Variants in CCSER1 observed in about 807,000 individuals in gnomAD.
CCSER1 encodes serine-rich coiled-coil domain-containing protein 1.
CCSER1 carries 41 observed loss-of-function variants against 82.0 expected under a neutral mutation model. The ratio of observed to expected loss-of-function variants is 0.50; its 90% CI spans 0.39 to 0.65. The LOEUF is 0.65. Among genes scored for constraint, CCSER1 ranks in the 30% least tolerant of loss-of-function variants. The pLI is 0.00. For missense variants in CCSER1, 1,119 were observed against 1,064.2 expected, an observed-to-expected ratio of 1.05 and a Z score of -0.72; for synonymous variants, 414 against 383.9, an observed-to-expected ratio of 1.08 and a Z score of -0.92.
intron 10 of CCSER1, among the ~76,000 whole-genome samples, chr4:91,137,078 G>A (rs893813457): frequency 2.7e-5 from 4 of 146,246 alleles, no homozygotes; most frequent in African/African-American, 7.5e-5. Context: ...AGTTACATAT[G>A]TATACATGGG....
intron 6 of CCSER1, among the ~76,000 whole-genome samples, chr4:90,656,363 G>T (rs1399347782): frequency 6.6e-6 from 1 of 150,476 alleles, no homozygotes; most frequent in Non-Finnish European, 1.5e-5. Flanking sequence ...AATATATCTT[G>T]AAAATATATT....
At chr4:90,387,869 A>T (rs1053396925) in intron 3 of CCSER1, among the ~76,000 whole-genome samples, 2 of 152,184 alleles carry the variant, frequency 1.3e-5, no homozygotes, top group African/African-American at 4.8e-5. Flanking sequence ...ATAATAAACC[A>T]TAACCAAAAA....
intron 10 of CCSER1, among the ~76,000 whole-genome samples, chr4:91,446,496 A>C (rs1475112513): frequency 6.6e-6 from 1 of 151,826 alleles, no homozygotes; most frequent in Non-Finnish European, 1.5e-5. Flanking sequence ...AAATTCAATA[A>C]ATTTTAAAAC....
In CCSER1 at chr4:91,190,085, G is replaced by C. The variant is rs370630650; in HGVS notation, c.2217+104091G>C. ...CCCTGGCTATAGCCTTAATTTACTA[G>C]ATGCCTGCACTCCATGATTTCCTTA... is the stretch of plus-strand genomic sequence containing the variant. On this transcript the variant is annotated intron_variant, in intron 10 of 10. Transcript: ENST00000509176. 8.5e-5 allele frequency among the ~76,000 whole-genome samples: 13 copies of C among 152,204 alleles called. No homozygotes were observed. The East Asian group carries it at 1.7e-3, about 20-fold the overall frequency.
rs1488439631 is a variant in CCSER1, at chr4:90,605,898, CTTAAGT to C, written c.1725-22123_1725-22118del. Among the ~76,000 whole-genome samples the C allele has an allele frequency of 2.0e-5, 3 of 151,638 alleles. No individual in the cohort carries two copies. The East Asian group carries it at 5.8e-4, about 29-fold the overall frequency. Reference sequence around the variant, plus strand: ...GAAATATATTTCTAGTTTTATAGTGCTTAAGTTTATTAGAATATGACAATAACATAT... The same window carrying C: ...GAAATATATTTCTAGTTTTATAGTGCTTATTAGAATATGACAATAACATAT... On this transcript the variant is annotated intron_variant, in intron 5 of 10. Coordinates refer to ENST00000509176, the MANE Select transcript of CCSER1 (RefSeq NM_001145065.2).
At chr4:91,556,016 A>G (rs1578779697) in intron 10 of CCSER1, among the ~76,000 whole-genome samples, 2 of 151,388 alleles carry the variant, frequency 1.3e-5, no homozygotes, top group East Asian at 3.9e-4. Flanking sequence ...TGGCATTAAT[A>G]TGATGATAAA....
At chr4:91,538,906 C>G (rs1171627567) in intron 10 of CCSER1, among the ~76,000 whole-genome samples, 2 of 151,800 alleles carry the variant, frequency 1.3e-5, no homozygotes, top group Non-Finnish European at 2.9e-5. Context: ...GCTTAAACAA[C>G]CTTTACTGTA....
intron 10 of CCSER1, among the ~76,000 whole-genome samples, chr4:91,477,757 G>A (rs1757672074): frequency 6.6e-6 from 1 of 151,652 alleles, no homozygotes; most frequent in East Asian, 1.9e-4. Flanking sequence ...AGGTGAAAGA[G>A]AAATCAATAA....
intron 3 of CCSER1, among the ~76,000 whole-genome samples, chr4:90,346,120 A>G (rs1011781871): frequency 6.6e-6 from 1 of 152,066 alleles, no homozygotes; most frequent in Non-Finnish European, 1.5e-5. Context: ...ATGAAGTTAA[A>G]ACACATTTTA....
chr4:90,547,796 T>A (rs1776956279), intron 5 of CCSER1, among the ~76,000 whole-genome samples: 1 of 152,146 alleles, frequency 6.6e-6, no homozygotes, highest in African/African-American at 2.4e-5. Context: ...TGGCTCTAAT[T>A]TTTTTGTACC....
At chr4:90,825,105 A>G (rs1483451085) in intron 8 of CCSER1, among the ~76,000 whole-genome samples, 1 of 152,220 alleles carries the variant, frequency 6.6e-6, no homozygotes, top group Non-Finnish European at 1.5e-5. Context: ...TAGCAATAGT[A>G]CATATTTGTT....
intron 10 of CCSER1, among the ~76,000 whole-genome samples, chr4:91,497,250 A>C (rs1758972890): frequency 6.6e-6 from 1 of 151,704 alleles, no homozygotes; most frequent in Non-Finnish European, 1.5e-5. Context: ...TTGAAAATTA[A>C]ATGATGTAAA....
intron 6 of CCSER1, among the ~76,000 whole-genome samples, chr4:90,703,543 T>G (rs1213733318): frequency 6.6e-6 from 1 of 152,220 alleles, no homozygotes; most frequent in Non-Finnish European, 1.5e-5. Context: ...ACTTTCTGTC[T>G]CGTTGATCTG....
At chr4:91,061,614 G>T (rs771557068) in intron 9 of CCSER1, among the ~76,000 whole-genome samples, 4 of 151,834 alleles carry the variant, frequency 2.6e-5, no homozygotes, top group African/African-American at 7.3e-5. Context: ...CATTTCACTC[G>T]ATTGCCCAAA....
intron 9 of CCSER1, among the ~76,000 whole-genome samples, chr4:90,993,297 T>C (rs1737197384): frequency 6.6e-6 from 1 of 152,068 alleles, no homozygotes; most frequent in African/African-American, 2.4e-5. Flanking sequence ...CCAGTGTGCA[T>C]GGGACACAAA....
At chr4:91,093,547 G>A (rs990712960) in intron 10 of CCSER1, among the ~76,000 whole-genome samples, 2 of 152,198 alleles carry the variant, frequency 1.3e-5, no homozygotes, top group African/African-American at 4.8e-5. Context: ...GGGTTAGCTT[G>A]TCTGCTTCTT....
intron 1 of CCSER1, among the ~76,000 whole-genome samples, chr4:90,272,165 A>T (rs1578875542): frequency 1.3e-5 from 2 of 151,950 alleles, no homozygotes; most frequent in African/African-American, 4.8e-5. Flanking sequence ...TGAGATTTGG[A>T]TGGGGACACA....
At chr4:90,975,869 A>G (rs963139802) in intron 9 of CCSER1, among the ~76,000 whole-genome samples, 6 of 151,258 alleles carry the variant, frequency 4.0e-5, no homozygotes, top group African/African-American at 1.5e-4. Flanking sequence ...ATTATTATAA[A>G]TTAGAATGAT....
intron 10 of CCSER1, among the ~76,000 whole-genome samples, chr4:91,478,415 T>A (rs932541539): frequency 1.5e-4 from 23 of 151,930 alleles, no homozygotes; most frequent in Admixed American, 1.2e-3. Flanking sequence ...TGTAGAAAAT[T>A]GTTTAAAATA....
Sources: gnomAD v4.1 joint callset for allele counts (sites outside exome capture counted in the v4.1 genomes callset) on GRCh38, gnomAD v4.1.1 for gene constraint, MANE v1.5 for transcripts, NCBI Gene and HGNC (gene_info 2026-07-23, HGNC 2026-07-21) for gene names.